Variants in GLIPR1L2 observed in about 807,000 individuals in gnomAD.
The protein encoded by GLIPR1L2 is GLIPR1-like protein 2.
A neutral mutation model predicts 28.4 loss-of-function variants in GLIPR1L2; 21 were observed. The ratio of observed to expected loss-of-function variants is 0.74; its 90% CI spans 0.52 to 1.06. GLIPR1L2 has a LOEUF of 1.06. Ranked by LOEUF, GLIPR1L2 falls within the 50% of genes least tolerant of loss-of-function variation. GLIPR1L2 has a pLI of 0.00. For synonymous variants in GLIPR1L2, 145 were observed against 139.3 expected, an observed-to-expected ratio of 1.04 and a Z score of -0.29; for missense variants, 476 against 416.9, an observed-to-expected ratio of 1.14 and a Z score of -1.23.
chr12:75,398,059 G>T (rs1046274450), intron 1 of GLIPR1L2, among the ~76,000 whole-genome samples: 6 of 150,986 alleles, frequency 4.0e-5, no homozygotes. Flanking sequence ...TGCCGGGAGC[G>T]GTGGCTCACG....
At chr12:75,393,601 T>G (rs2045653368) in intron 1 of GLIPR1L2, among the ~76,000 whole-genome samples, 1 of 152,154 alleles carries the variant, frequency 6.6e-6, no homozygotes, top group South Asian at 2.1e-4. Flanking sequence ...TGAATAATAT[T>G]CTACTGTATG....
intron 3 of GLIPR1L2, among the ~76,000 whole-genome samples, chr12:75,418,060 AG>A (rs2045940591): frequency 6.6e-6 from 1 of 152,124 alleles, no homozygotes; most frequent in Non-Finnish European, 1.5e-5. Flanking sequence ...CCTTTCATTT[AG>A]TTAAATATAA....
At chr12:75,393,165 C>T (rs1381183415) in intron 1 of GLIPR1L2, among the ~76,000 whole-genome samples, 1 of 151,950 alleles carries the variant, frequency 6.6e-6, no homozygotes, top group African/African-American at 2.4e-5. Flanking sequence ...ATGCTATTGC[C>T]GTGTAGTACT....
Position 75,413,659 on chromosome 12 carries a change from ATAT to A in GLIPR1L2, c.546_548del (p.Ile183del). 2 of 1,561,114 alleles carry A rather than the reference ATAT, an allele frequency of 1.3e-6. No individual in the cohort carries two copies. Among genetic ancestry groups the A allele is most frequent in the Non-Finnish European group, 1.7e-6 (2 of 1,156,618 alleles). ...GTTACTCCATGTTCAAAAATTGGAC[ATAT>A]TATACATGCAGCAATTTTCATATGC... On this transcript the variant is annotated inframe_deletion, in exon 3 of 6. Coordinates refer to ENST00000550916, the MANE Select transcript of GLIPR1L2 (RefSeq NM_001270396.2).
At position 75,431,956 on chromosome 12, in the gene GLIPR1L2, A is replaced by G. The variant is rs993854415; in HGVS notation, c.*795A>G. 9 of 152,134 alleles carry G rather than the reference A, an allele frequency of 5.9e-5. No homozygotes were observed. Among genetic ancestry groups the G allele is most frequent in the Non-Finnish European group, 2.9e-5 (2 of 67,964 alleles). 9.4% of individuals were successfully genotyped at this position (152,134 alleles called of 1,614,324 possible). On this transcript the variant is annotated 3_prime_UTR_variant, in exon 6 of 6. Coordinates refer to ENST00000550916, the MANE Select transcript of GLIPR1L2 (RefSeq NM_001270396.2). ...ATAACTGCTTACCACTAGTAATACT[A>G]ATAAATGAACTAAATAAAAATACCT...
rs913263388 is a variant in GLIPR1L2 at position 75,401,663 on chromosome 12, C to T, written c.235-8771C>T. On this transcript the variant is annotated intron_variant, in intron 1 of 5. Transcript: ENST00000550916. Reference sequence around the variant, plus strand: ...GAAAAACTTAAGTAGAAATTTTACACGCTAAATTTCTGACTAGAATGTAAT... The same window carrying T: ...GAAAAACTTAAGTAGAAATTTTACATGCTAAATTTCTGACTAGAATGTAAT... Among the ~76,000 whole-genome samples the T allele has an allele frequency of 1.2e-4, 18 of 151,878 alleles. 2 individuals are homozygous for T. Among genetic ancestry groups the T allele is most frequent in the Admixed American group, 6.6e-4 (10 of 15,250 alleles).
At chr12:75,403,719 A>G (rs1389429817) in intron 1 of GLIPR1L2, among the ~76,000 whole-genome samples, 1 of 151,744 alleles carries the variant, frequency 6.6e-6, no homozygotes, top group Non-Finnish European at 1.5e-5. Context: ...AGTTCCCTTG[A>G]TATGTCCACC....
intron 1 of GLIPR1L2, among the ~76,000 whole-genome samples, chr12:75,392,264 C>T (rs2045626955): frequency 6.6e-6 from 1 of 152,122 alleles, no homozygotes; most frequent in African/African-American, 2.4e-5. Flanking sequence ...ATAGCAATTG[C>T]TATGCTAAAG....
intron 1 of GLIPR1L2, among the ~76,000 whole-genome samples, chr12:75,408,845 G>A (rs1355896147): frequency 6.6e-6 from 1 of 151,964 alleles, no homozygotes; most frequent in Non-Finnish European, 1.5e-5. Flanking sequence ...ATAGTTAAAT[G>A]TGTGTATATG....
intron 3 of GLIPR1L2, among the ~76,000 whole-genome samples, chr12:75,414,739 A>C (rs2045907566): frequency 6.6e-6 from 1 of 152,042 alleles, no homozygotes; most frequent in Non-Finnish European, 1.5e-5. Context: ...TGCAGATTCA[A>C]ATGGAATTGT....
At chr12:75,409,682 A>G (rs1417295183) in intron 1 of GLIPR1L2, among the ~76,000 whole-genome samples, 1 of 147,000 alleles carries the variant, frequency 6.8e-6, no homozygotes, top group Non-Finnish European at 1.5e-5. Flanking sequence ...ATATATATAT[A>G]AGGTATATAT....
chr12:75,405,260 G>C (rs1440226102), intron 1 of GLIPR1L2, among the ~76,000 whole-genome samples: 1 of 152,174 alleles, frequency 6.6e-6, no homozygotes, highest in Non-Finnish European at 1.5e-5. Flanking sequence ...AATATATGTG[G>C]CAGACTGCCA....
chr12:75,417,383 T>G (rs2045933387), intron 3 of GLIPR1L2, among the ~76,000 whole-genome samples: 1 of 152,144 alleles, frequency 6.6e-6, no homozygotes, highest in East Asian at 1.9e-4. Context: ...AACACAGCCC[T>G]GCCAACACCT....
At chr12:75,415,790 G>A (rs2045917804) in intron 3 of GLIPR1L2, among the ~76,000 whole-genome samples, 1 of 152,032 alleles carries the variant, frequency 6.6e-6, no homozygotes, top group Non-Finnish European at 1.5e-5. Context: ...AGTCAGCCAA[G>A]GTATGTCAGA....
chr12:75,402,226 C>T (rs1045826925), intron 1 of GLIPR1L2, among the ~76,000 whole-genome samples: 1 of 151,986 alleles, frequency 6.6e-6, no homozygotes, highest in Non-Finnish European at 1.5e-5. Flanking sequence ...AAGAGAAAAC[C>T]GTAACAGCAA....
intron 1 of GLIPR1L2, chr12:75,402,980 T>G: frequency 2.2e-6 from 1 of 456,816 alleles, no homozygotes; most frequent in Non-Finnish European, 4.4e-6. Context: ...TCCTCCACTT[T>G]GTTAACAAGT....
chr12:75,423,325 A>G (rs1385062131), intron 4 of GLIPR1L2: 2 of 1,095,480 alleles, frequency 1.8e-6, no homozygotes, highest in East Asian at 1.1e-4. Flanking sequence ...AGGATAGTAT[A>G]TTCCAAAATA....
intron 3 of GLIPR1L2, among the ~76,000 whole-genome samples, chr12:75,419,134 C>T (rs990909397): frequency 1.3e-5 from 2 of 151,960 alleles, no homozygotes; most frequent in African/African-American, 2.4e-5. Context: ...ATGTTCTGCA[C>T]ATGTACCCGA....
At chr12:75,409,018 G>A (rs985649626) in intron 1 of GLIPR1L2, among the ~76,000 whole-genome samples, 1 of 151,960 alleles carries the variant, frequency 6.6e-6, no homozygotes, top group Non-Finnish European at 1.5e-5. Context: ...AAAACTCTAA[G>A]GCAAGCTTGT....
Sources: gnomAD v4.1 joint callset for allele counts (sites outside exome capture counted in the v4.1 genomes callset) on GRCh38, gnomAD v4.1.1 for gene constraint, MANE v1.5 for transcripts, NCBI Gene and HGNC (gene_info 2026-07-23, HGNC 2026-07-21) for gene names.